KIAA1549: variants seen among roughly 807,000 people sequenced by gnomAD.
The protein encoded by KIAA1549 is KIAA1549, also known as UPF0606 protein KIAA1549.
KIAA1549 carries 70 observed loss-of-function variants against 156.4 expected under a neutral mutation model. The observed-to-expected ratio is 0.45, with a 90% CI of 0.37 to 0.55. The LOEUF (loss-of-function observed/expected upper bound fraction) is 0.55, where lower values mean the gene tolerates loss of function less well. KIAA1549 is among the 20% of genes least tolerant of loss of function. The pLI, the probability that KIAA1549 is intolerant of heterozygous loss-of-function variation, is 0.00. For missense variants in KIAA1549, 2,428 were observed against 2,540.9 expected (o/e 0.96, Z 0.96); for synonymous variants, 1,103 against 1,066.4 (o/e 1.03, Z -0.67).
intron 1 of KIAA1549, among the ~76,000 whole-genome samples, chr7:138,936,255 TCA>T (rs1287379305): frequency 1.3e-5 from 2 of 152,116 alleles, no homozygotes; most frequent in Non-Finnish European, 2.9e-5. Context: ...TGATTCTAAG[TCA>T]CAGTTACAAC....
chr7:138,908,965 T>C, intron 5 of KIAA1549, 26 bp downstream of exon 5: 1 of 1,613,252 alleles, frequency 6.2e-7, no homozygotes, highest in Non-Finnish European at 8.5e-7. Flanking sequence ...TAAAGCCTTC[T>C]GCTCTGCATT....
At chr7:138,938,723 C>T (rs1463828506) in intron 1 of KIAA1549, among the ~76,000 whole-genome samples, 1 of 152,214 alleles carries the variant, frequency 6.6e-6, no homozygotes, top group Non-Finnish European at 1.5e-5. Context: ...TGTTTAAATG[C>T]TGCCAAACAA....
At chr7:138,844,108 G>T (rs1218586991) in intron 18 of KIAA1549, among the ~76,000 whole-genome samples, 1 of 152,122 alleles carries the variant, frequency 6.6e-6, no homozygotes, top group South Asian at 2.1e-4. Flanking sequence ...CACATGAAGG[G>T]CCTGGTTCCA....
At chr7:138,881,339 C>A in intron 11 of KIAA1549, 49 bp downstream of exon 11, 1 of 1,555,232 alleles carries the variant, frequency 6.4e-7, no homozygotes, top group South Asian at 1.2e-5. Flanking sequence ...AGCCTGATAA[C>A]AGAAGCATGC....
At chr7:138,954,609 AC>A in intron 1 of KIAA1549, among the ~76,000 whole-genome samples, 1 of 150,738 alleles carries the variant, frequency 6.6e-6, no homozygotes, top group East Asian at 2.0e-4. Flanking sequence ...CCTCCGTGGC[AC>A]CCCCCTCCCC....
At chr7:138,937,503 T>A (rs6958124) in intron 1 of KIAA1549, among the ~76,000 whole-genome samples, 73,150 of 152,044 alleles carry the variant, frequency 0.48, 20,029 homozygotes, top group African/African-American at 0.76. Flanking sequence ...CACAACTTTA[T>A]GGCTGAGAAG....
At chr7:138,856,862 G>C (rs1211868634) in intron 16 of KIAA1549, among the ~76,000 whole-genome samples, 1 of 152,202 alleles carries the variant, frequency 6.6e-6, no homozygotes, top group Non-Finnish European at 1.5e-5. Context: ...TTCCAGAAGA[G>C]GGTAGCATTT....
intron 9 of KIAA1549, among the ~76,000 whole-genome samples, chr7:138,894,920 A>G (rs1191374105): frequency 1.3e-5 from 2 of 152,178 alleles, no homozygotes; most frequent in Non-Finnish European, 2.9e-5. Flanking sequence ...GGAGAGAAAA[A>G]CAGCTGTGTC....
rs1812344066 is a variant in KIAA1549, at chr7:138,916,993, T to C, written c.2633A>G (p.Asn878Ser). 1 of 1,600,194 alleles carries C rather than the reference T, an allele frequency of 6.2e-7. No homozygotes were observed. The highest frequency in any genetic ancestry group is 1.7e-5 in the Admixed American group (1 of 59,130). Residue 878 changes from asparagine to serine, a missense_variant, in exon 2 of 20, where the codon AAC (asparagine) becomes AGC (serine). Asn to Ser is a conservative substitution (Grantham distance 46). This residue lies in a region of KIAA1549 where 762 missense variants were observed against 901.6 expected (regional missense o/e 0.85). Transcript: ENST00000422774. ...GGTTGTGCTCACTTCCGTGGAGGTG[T>C]TCAGTGGCACCTCTGTGGGTGTGAG... is the stretch of plus-strand genomic sequence containing the variant. ...PSLTPTEVPL[N>S]TSTEVSTTST...
At position 138,894,351 on chromosome 7, in the gene KIAA1549, C is replaced by T. The variant is rs1811624201; in HGVS notation, c.4023G>A (p.Gln1341=). ...AGAGGCTGCCCGTTACCTTCTGACG[C>T]TGCTGAATGTTGGCCACAGTGTCAG... The part of the protein sequence containing the change: ...FQPDTVANIQ[Q]RQKLQIPSVK... Residue 1341 remains glutamine (Q), a synonymous_variant, in exon 10 of 20, where the codon CAG becomes CAA. Coordinates refer to ENST00000422774, the MANE Select transcript of KIAA1549 (RefSeq NM_001164665.2). 2 of 1,613,898 alleles carry T rather than the reference C, an allele frequency of 1.2e-6. No homozygotes were observed. The highest frequency in any genetic ancestry group is 1.1e-5 in the South Asian group (1 of 91,086).
intron 1 of KIAA1549, among the ~76,000 whole-genome samples, chr7:138,978,033 ATTAC>A (rs1814433191): frequency 6.6e-6 from 1 of 152,226 alleles, no homozygotes; most frequent in Non-Finnish European, 1.5e-5. Flanking sequence ...ATTCATCAGC[ATTAC>A]TTACAGCAAC....
At chr7:138,848,682 G>A (rs1015034505) in intron 17 of KIAA1549, among the ~76,000 whole-genome samples, 1 of 152,076 alleles carries the variant, frequency 6.6e-6, no homozygotes. Context: ...AGGTGATGTT[G>A]GCTTCATAAA....
intron 4 of KIAA1549, 57 bp downstream of exon 4, chr7:138,911,089 T>TTA (rs572395516): frequency 4.7e-6 from 5 of 1,066,208 alleles, no homozygotes; most frequent in East Asian, 5.8e-5. Flanking sequence ...TTTAGAAAGA[T>TTA]AAAAAAAAAA....
At position 138,840,220 on chromosome 7, in the gene KIAA1549, T is replaced by G. The variant is rs1280340519; in HGVS notation, c.5511A>C (p.Pro1837=). 6.3e-7 allele frequency: 1 copy of G among 1,583,214 alleles called. No homozygotes were observed. The highest frequency in any genetic ancestry group is 1.3e-5 in the African/African-American group (1 of 74,358). ...TGCCTCTGCTTGGCGGGATTTCCAC[T>G]GGCTGAGCTCCAATTCTGCTGGCAA... is the stretch of plus-strand genomic sequence containing the variant. ...VGIASRIGAQ[P]VEIPPSRGSQ... The change falls in exon 19 of 20, where the codon CCA becomes CCC. Residue 1837 remains proline (P), a synonymous_variant. Transcript: ENST00000422774.
intron 1 of KIAA1549, among the ~76,000 whole-genome samples, chr7:138,952,078 A>G (rs964956342): frequency 6.6e-6 from 1 of 152,210 alleles, no homozygotes; most frequent in African/African-American, 2.4e-5. Flanking sequence ...GCACGGGTGA[A>G]CGCACGGAAG....
At chr7:138,972,168 G>A (rs1814239675) in intron 1 of KIAA1549, among the ~76,000 whole-genome samples, 1 of 152,072 alleles carries the variant, frequency 6.6e-6, no homozygotes, top group Admixed American at 6.5e-5. Context: ...AGGGGCTGGT[G>A]CCTGGCTCAC....
Position 138,835,466 on chromosome 7 carries a change from T to C in KIAA1549, c.*2440A>G, listed in dbSNP as rs925843061. On this transcript the variant is annotated 3_prime_UTR_variant, in exon 20 of 20. Transcript: ENST00000422774. ...GTTTGAAAGACATCAAAATTGCTTT[T>C]ACGGTCAGCCCAATTTGAAACAGAA... 9.2e-6 allele frequency: 2 copies of C among 217,994 alleles called. No individual in the cohort carries two copies. Among genetic ancestry groups the C allele is most frequent in the Non-Finnish European group, 1.8e-5 (2 of 108,338 alleles). The allele number at this position is 217,994 out of a possible 1,614,324, so 13.5% of individuals were successfully genotyped here. A position where few individuals can be genotyped will look rare whatever the true frequency, so the allele number is the denominator to read the frequency against.
intron 15 of KIAA1549, among the ~76,000 whole-genome samples, chr7:138,863,606 G>GT (rs1396310627): frequency 6.6e-6 from 1 of 152,070 alleles, no homozygotes; most frequent in Non-Finnish European, 1.5e-5. Context: ...AAATTTCATA[G>GT]TAACACTCAG....
chr7:138,980,999 C>T, intron 1 of KIAA1549, 84 bp downstream of exon 1: 1 of 1,144,240 alleles, frequency 8.7e-7, no homozygotes. Flanking sequence ...AGAGGATGGG[C>T]GGGGAAAGCC....
Sources: gnomAD v4.1 joint callset for allele counts (sites outside exome capture counted in the v4.1 genomes callset) on GRCh38, gnomAD v4.1.1 for gene constraint, gnomAD v4.1.1 regional missense constraint, MANE v1.5 for transcripts, NCBI Gene and HGNC (gene_info 2026-07-23, HGNC 2026-07-21) for gene names.